DPYD: variants seen among roughly 807,000 people sequenced by gnomAD.
DPYD encodes dihydropyrimidine dehydrogenase.
In DPYD, 109 loss-of-function variants were observed where a neutral mutation model predicts 116.2. That is an observed-to-expected ratio of 0.94 (90% CI 0.80 to 1.10). The LOEUF (loss-of-function observed/expected upper bound fraction) is 1.10, where lower values mean the gene tolerates loss of function less well. Ranked by LOEUF, DPYD falls within the 50% of genes least tolerant of loss-of-function variation. The probability of loss-of-function intolerance (pLI) is 0.00; values close to 1 mark genes in which losing one functional copy is unlikely to be tolerated. For synonymous variants in DPYD, 440 were observed against 432.0 expected (o/e 1.02, Z -0.23); for missense variants, 1,302 against 1,254.5 (o/e 1.04, Z -0.57).
chr1:97,735,010 T>G (rs537791835), intron 4 of DPYD, among the ~76,000 whole-genome samples: 1 of 152,312 alleles, frequency 6.6e-6, no homozygotes, highest in African/African-American at 2.4e-5. Flanking sequence ...AATAATGTCC[T>G]TAGCAAATTA....
chr1:97,421,932 T>G (rs899836818), intron 14 of DPYD, among the ~76,000 whole-genome samples: 1 of 152,272 alleles, frequency 6.6e-6, no homozygotes, highest in East Asian at 1.9e-4. Context: ...TATAAAGCGC[T>G]AGCCCCTGAG....
chr1:97,318,719 C>T (rs1668025887), intron 16 of DPYD, among the ~76,000 whole-genome samples: 1 of 149,792 alleles, frequency 6.7e-6, no homozygotes, highest in Non-Finnish European at 1.5e-5. Flanking sequence ...CTCAGCTCTG[C>T]ACCAAGCGGA....
intron 2 of DPYD, among the ~76,000 whole-genome samples, chr1:97,861,797 G>A (rs1050766273): frequency 1.3e-5 from 2 of 151,874 alleles, no homozygotes; most frequent in South Asian, 2.1e-4. Flanking sequence ...GAGACAATGC[G>A]GAAAGGGATT....
chr1:97,451,247 G>C (rs1165755660), intron 13 of DPYD, among the ~76,000 whole-genome samples: 1 of 152,040 alleles, frequency 6.6e-6, no homozygotes, highest in Admixed American at 6.5e-5. Context: ...TAGATAGACA[G>C]GAAACCTTAA....
chr1:97,895,163 T>C (rs1002494816), intron 1 of DPYD, among the ~76,000 whole-genome samples: 3 of 151,816 alleles, frequency 2.0e-5, no homozygotes, highest in African/African-American at 4.8e-5. Context: ...CTATGTAAAA[T>C]TGGCCTTAGA....
intron 14 of DPYD, among the ~76,000 whole-genome samples, chr1:97,421,580 G>A (rs1399663728): frequency 6.6e-6 from 1 of 152,130 alleles, no homozygotes. Flanking sequence ...TCCCATAACA[G>A]GTGACAATAA....
chr1:97,191,690 C>T (rs1397912049), intron 20 of DPYD, among the ~76,000 whole-genome samples: 2 of 152,114 alleles, frequency 1.3e-5, no homozygotes, highest in Admixed American at 1.3e-4. Flanking sequence ...CATTTCCGCT[C>T]ACATGGCAAC....
intron 8 of DPYD, among the ~76,000 whole-genome samples, chr1:97,597,434 C>T (rs774529199): frequency 6.6e-6 from 1 of 152,126 alleles, no homozygotes; most frequent in African/African-American, 2.4e-5. Context: ...TGGTATGAGT[C>T]CTTCCTCTCT....
At chr1:97,277,782 A>C (rs2100920132) in intron 18 of DPYD, among the ~76,000 whole-genome samples, 1 of 152,290 alleles carries the variant, frequency 6.6e-6, no homozygotes, top group South Asian at 2.1e-4. Flanking sequence ...CTGCTACACA[A>C]CAGCCATGGT....
At chr1:97,605,807 A>T (rs1200870784) in intron 8 of DPYD, among the ~76,000 whole-genome samples, 3 of 152,062 alleles carry the variant, frequency 2.0e-5, no homozygotes, top group Non-Finnish European at 4.4e-5. Context: ...TTAACAGATG[A>T]ACTGATCTTG....
Position 97,885,862 on chromosome 1 carries a change from CAT to C in DPYD, c.40-2490_40-2489del, listed in dbSNP as rs1321978291. Among the ~76,000 whole-genome samples, 11 of 152,160 alleles carry C rather than the reference CAT, an allele frequency of 7.2e-5. No individual in the cohort carries two copies. The South Asian group carries it at 1.7e-3, about 23-fold the overall frequency. ...ATAAGGTAGGAAACATTTTTAACCA[CAT>C]GTTTAAATAATATCAATTTGCACCT... is the stretch of plus-strand genomic sequence containing the variant. On this transcript the variant is annotated intron_variant, in intron 1 of 22. Coordinates refer to ENST00000370192, the MANE Select transcript of DPYD (RefSeq NM_000110.4).
chr1:97,143,836 C>A (rs1462532403), intron 20 of DPYD, among the ~76,000 whole-genome samples: 5 of 152,144 alleles, frequency 3.3e-5, no homozygotes, highest in Non-Finnish European at 7.4e-5. Context: ...TTTCAAATTT[C>A]ATTTGACCAG....
intron 11 of DPYD, among the ~76,000 whole-genome samples, chr1:97,558,698 G>C (rs968275446): frequency 1.3e-5 from 2 of 152,110 alleles, no homozygotes; most frequent in Non-Finnish European, 2.9e-5. Flanking sequence ...GTCAATAATA[G>C]CCTATAGCAA....
At chr1:97,224,801 A>G (rs561040292) in intron 19 of DPYD, among the ~76,000 whole-genome samples, 75 of 151,886 alleles carry the variant, frequency 4.9e-4, no homozygotes, top group African/African-American at 1.7e-3. Flanking sequence ...CATTTGGCAT[A>G]GTATTCTCTA....
intron 19 of DPYD, among the ~76,000 whole-genome samples, chr1:97,195,519 G>GGAGAGA (rs3050245): frequency 6.8e-4 from 51 of 75,056 alleles, no homozygotes; most frequent in African/African-American, 1.2e-3. Flanking sequence ...AATGGGATAA[G>GGAGAGA]GAGAGAGAGA....
chr1:97,718,913 C>T (rs924604173), intron 5 of DPYD, among the ~76,000 whole-genome samples: 1 of 151,486 alleles, frequency 6.6e-6, no homozygotes, highest in Non-Finnish European at 1.5e-5. Flanking sequence ...AATTCAAAAA[C>T]CATCATGTGA....
chr1:97,383,972 G>A (rs1201443870), intron 14 of DPYD, among the ~76,000 whole-genome samples: 1 of 152,062 alleles, frequency 6.6e-6, no homozygotes, highest in Non-Finnish European at 1.5e-5. Context: ...AGCTGGGTGT[G>A]GTGCCCTGCC....
At chr1:97,107,571 G>A (rs1651262306) in intron 20 of DPYD, among the ~76,000 whole-genome samples, 1 of 152,016 alleles carries the variant, frequency 6.6e-6, no homozygotes, top group Non-Finnish European at 1.5e-5. Context: ...CTTATTAACT[G>A]ATCATGGCTA....
intron 18 of DPYD, among the ~76,000 whole-genome samples, chr1:97,291,203 A>T (rs530427259): frequency 6.6e-6 from 1 of 152,192 alleles, no homozygotes; most frequent in East Asian, 1.9e-4. Context: ...GCTGGAGAGG[A>T]TGTGGAGAAA....
Sources: allele counts gnomAD v4.1 joint callset (sites outside exome capture counted in the v4.1 genomes callset), GRCh38; gene constraint gnomAD v4.1.1; transcripts MANE v1.5; gene names NCBI Gene and HGNC (gene_info 2026-07-23, HGNC 2026-07-21).